The following RABGAP1L variants were observed in gnomAD, a reference collection of about 807,000 sequenced individuals.
RABGAP1L encodes rab GTPase-activating protein 1-like.
RABGAP1L carries 63 observed loss-of-function variants against 137.7 expected under a neutral mutation model. The ratio of observed to expected loss-of-function variants is 0.46; its 90% CI spans 0.37 to 0.56. The LOEUF (loss-of-function observed/expected upper bound fraction) is 0.56, where lower values mean the gene tolerates loss of function less well. Ranked by LOEUF, RABGAP1L falls within the 20% of genes least tolerant of loss-of-function variation. The pLI is 0.00. For synonymous variants in RABGAP1L, 431 were observed against 433.7 expected (o/e 0.99, Z 0.08); for missense variants, 1,095 against 1,244.0 (o/e 0.88, Z 1.80).
chr1:174,914,940 A>G (rs1307118436), intron 19 of RABGAP1L, among the ~76,000 whole-genome samples: 2 of 152,222 alleles, frequency 1.3e-5, no homozygotes, highest in African/African-American at 4.8e-5. Context: ...TTTACTTGGC[A>G]TAATGATTTT....
At chr1:174,409,157 C>A (rs995705919) in intron 13 of RABGAP1L, among the ~76,000 whole-genome samples, 2 of 152,064 alleles carry the variant, frequency 1.3e-5, no homozygotes, top group Non-Finnish European at 2.9e-5. Context: ...GGACCCCGAA[C>A]GGAGGGACCA....
At chr1:174,540,195 C>G (rs1365494304) in intron 13 of RABGAP1L, among the ~76,000 whole-genome samples, 1 of 151,996 alleles carries the variant, frequency 6.6e-6, no homozygotes, top group Admixed American at 6.6e-5. Flanking sequence ...GGATATTAGC[C>G]CTTTGTCAGA....
chr1:174,534,420 A>G (rs955520522), intron 13 of RABGAP1L, among the ~76,000 whole-genome samples: 2 of 152,034 alleles, frequency 1.3e-5, no homozygotes, highest in African/African-American at 4.8e-5. Context: ...ATATGTACCT[A>G]TGATGGTTTA....
intron 1 of RABGAP1L, among the ~76,000 whole-genome samples, chr1:174,190,137 T>A (rs1667103352): frequency 6.6e-6 from 1 of 151,944 alleles, no homozygotes; most frequent in African/African-American, 2.4e-5. Flanking sequence ...ACCCCGTCTC[T>A]ACTAAAAATA....
intron 13 of RABGAP1L, among the ~76,000 whole-genome samples, chr1:174,632,712 C>T (rs1374540210): frequency 1.4e-4 from 20 of 147,198 alleles, no homozygotes; most frequent in Non-Finnish European, 2.5e-4. Flanking sequence ...GCATTCTTCA[C>T]GTAGTTCTCG....
chr1:174,724,192 T>C (rs1033598284), intron 17 of RABGAP1L, among the ~76,000 whole-genome samples: 17 of 152,244 alleles, frequency 1.1e-4, no homozygotes, highest in Admixed American at 9.2e-4. Context: ...TATTAGATTT[T>C]CTTTTATAGC....
At chr1:174,803,611 AT>A (rs200872896) in intron 18 of RABGAP1L, among the ~76,000 whole-genome samples, 2,995 of 148,094 alleles carry the variant, frequency 0.02, 111 homozygotes, top group African/African-American at 0.068. Context: ...TCACATTTAG[AT>A]TTTTTTTTTT....
intron 18 of RABGAP1L, among the ~76,000 whole-genome samples, chr1:174,797,549 G>C (rs539334785): frequency 3.3e-4 from 42 of 126,314 alleles, no homozygotes; most frequent in Non-Finnish European, 2.7e-4. Flanking sequence ...CTGTGGGTGT[G>C]TGCAGGAGGG....
At chr1:174,345,709 C>A (rs1682368660) in intron 11 of RABGAP1L, among the ~76,000 whole-genome samples, 1 of 152,102 alleles carries the variant, frequency 6.6e-6, no homozygotes, top group East Asian at 1.9e-4. Flanking sequence ...TTGGCTTCTT[C>A]CTTTTCAATT....
chr1:174,270,634 A>T (rs1674478853), intron 7 of RABGAP1L, among the ~76,000 whole-genome samples: 1 of 152,050 alleles, frequency 6.6e-6, no homozygotes, highest in Admixed American at 6.6e-5. Flanking sequence ...GCCTTAAAAA[A>T]TAAAAAAATC....
chr1:174,610,050 T>A (rs1019051204), intron 13 of RABGAP1L, among the ~76,000 whole-genome samples: 5 of 151,076 alleles, frequency 3.3e-5, no homozygotes, highest in South Asian at 2.1e-4. Context: ...TTTCTTTTTT[T>A]AAATTTATTT....
chr1:174,547,081 G>A (rs1243315464), intron 13 of RABGAP1L, among the ~76,000 whole-genome samples: 2 of 144,586 alleles, frequency 1.4e-5, no homozygotes, highest in African/African-American at 5.2e-5. Flanking sequence ...ATTAACACAA[G>A]GCCAATAGGG....
chr1:174,299,292 A>C (rs1677431750), intron 10 of RABGAP1L, among the ~76,000 whole-genome samples: 2 of 152,218 alleles, frequency 1.3e-5, no homozygotes, highest in South Asian at 4.1e-4. Flanking sequence ...TTAGGGTCCC[A>C]AGATAAACTT....
intron 19 of RABGAP1L, among the ~76,000 whole-genome samples, chr1:174,867,338 G>A (rs1304116065): frequency 8.6e-5 from 13 of 150,296 alleles, no homozygotes; most frequent in East Asian, 1.9e-4. Flanking sequence ...CCGAGATCGC[G>A]CCAAAAAAAA....
chr1:174,704,772 A>G (rs571151899), intron 17 of RABGAP1L, among the ~76,000 whole-genome samples: 1 of 152,242 alleles, frequency 6.6e-6, no homozygotes, highest in Non-Finnish European at 1.5e-5. Flanking sequence ...CACAAAGCAT[A>G]TGTGGTTATT....
intron 19 of RABGAP1L, among the ~76,000 whole-genome samples, chr1:174,880,796 A>T (rs766665775): frequency 3.0e-4 from 46 of 151,988 alleles, no homozygotes; most frequent in Non-Finnish European, 5.9e-4. Flanking sequence ...TATGTTGCCC[A>T]AGCTGGTTTT....
In RABGAP1L at chr1:174,250,548, C is replaced by T. The variant is rs1305762392; in HGVS notation, c.791C>T (p.Ser264Leu). The change falls in exon 6 of 26, where the codon TCA (serine) becomes TTA (leucine). Residue 264 changes from serine to leucine, a missense_variant. By Grantham distance (145) the Ser-to-Leu change is moderately radical. Transcript: ENST00000681986. ...AGACAAGTGTCTGATGTTAAAGACTCAGTTATTCCTACCCCCGACAGTGAT... is the reference window on the plus strand; with the variant it reads ...AGACAAGTGTCTGATGTTAAAGACTTAGTTATTCCTACCCCCGACAGTGAT... ...SSRQVSDVKD[S>L]VIPTPDSDVF... The T allele has an allele frequency of 3.1e-6, 5 of 1,613,596 alleles. No individual in the cohort carries two copies. The Admixed American group carries it at 8.3e-5, about 27-fold the overall frequency.
intron 7 of RABGAP1L, among the ~76,000 whole-genome samples, chr1:174,254,880 AT>A (rs1328587964): frequency 6.6e-6 from 1 of 152,164 alleles, no homozygotes; most frequent in Non-Finnish European, 1.5e-5. Context: ...GTCAAATGGT[AT>A]TTCTGGTTCC....
chr1:174,400,881 A>G (rs1648496091), intron 13 of RABGAP1L, among the ~76,000 whole-genome samples: 1 of 152,176 alleles, frequency 6.6e-6, no homozygotes, highest in African/African-American at 2.4e-5. Flanking sequence ...ATGTGGAACA[A>G]TTATACTTTA....
Sources: gnomAD v4.1 joint callset for allele counts (sites outside exome capture counted in the v4.1 genomes callset) on GRCh38, gnomAD v4.1.1 for gene constraint, MANE v1.5 for transcripts, NCBI Gene and HGNC (gene_info 2026-07-23, HGNC 2026-07-21) for gene names.